Variants in FREM1 observed in about 807,000 individuals in gnomAD.
FREM1 encodes the protein FRAS1-related extracellular matrix protein 1.
A neutral mutation model predicts 210.1 loss-of-function variants in FREM1; 220 were observed. That is an observed-to-expected ratio of 1.05 (90% CI 0.94 to 1.17). The LOEUF is 1.17. Among genes scored for constraint, FREM1 ranks in the 50% most tolerant of loss-of-function variants. The pLI is 0.00. For missense variants in FREM1, 3,454 were observed against 2,675.5 expected (o/e 1.29, Z -6.42); for synonymous variants, 1,189 against 980.2 (o/e 1.21, Z -3.98).
chr9:14,778,455 A>C (rs73413797), intron 24 of FREM1, among the ~76,000 whole-genome samples: 23,744 of 149,928 alleles, frequency 0.16, 2,145 homozygotes, highest in Non-Finnish European at 0.2. Flanking sequence ...TACAAAAAAT[A>C]CAAAATTTAG....
intron 10 of FREM1, among the ~76,000 whole-genome samples, chr9:14,834,270 G>C (rs1454985904): frequency 6.6e-6 from 1 of 152,102 alleles, no homozygotes; most frequent in African/African-American, 2.4e-5. Flanking sequence ...AATTGGCTTT[G>C]GGTTGCCTTG....
chr9:14,777,776 G>C (rs1435504485), intron 24 of FREM1, among the ~76,000 whole-genome samples: 1 of 152,064 alleles, frequency 6.6e-6, no homozygotes, highest in East Asian at 1.9e-4. Context: ...TGATCCTTTT[G>C]AGCATGAAGA....
intron 1 of FREM1, among the ~76,000 whole-genome samples, chr9:14,876,760 G>A (rs765191968): frequency 9.9e-5 from 15 of 152,150 alleles, no homozygotes; most frequent in Non-Finnish European, 1.3e-4. Flanking sequence ...GAAATCACCC[G>A]TCTTCTGCAT....
intron 13 of FREM1, among the ~76,000 whole-genome samples, chr9:14,822,297 C>G (rs1172347335): frequency 1.3e-5 from 2 of 152,180 alleles, no homozygotes; most frequent in Non-Finnish European, 2.9e-5. Context: ...GCAGGTTGGG[C>G]AGCCCTTTTA....
chr9:14,747,962 C>G (rs774136112), intron 31 of FREM1, among the ~76,000 whole-genome samples: 1 of 152,178 alleles, frequency 6.6e-6, no homozygotes, highest in Non-Finnish European at 1.5e-5. Context: ...AAAAGTACAT[C>G]TTTATTTTTT....
intron 1 of FREM1, among the ~76,000 whole-genome samples, chr9:14,894,804 T>C (rs532552193): frequency 2.0e-5 from 3 of 152,266 alleles, no homozygotes; most frequent in African/African-American, 7.2e-5. Context: ...TCTTAACTTA[T>C]GGCAATATAG....
At chr9:14,906,769 T>C (rs1243654774) in intron 1 of FREM1, among the ~76,000 whole-genome samples, 1 of 152,170 alleles carries the variant, frequency 6.6e-6, no homozygotes, top group Non-Finnish European at 1.5e-5. Context: ...GCACAGAGCA[T>C]CTGTAAGTAC....
chr9:14,805,037 A>C lies in FREM1; in HGVS notation c.3390T>G (p.His1130Gln). The change falls in exon 19 of 37, where the codon CAT becomes CAG. Residue 1130 changes from histidine to glutamine, a missense_variant. Transcript: ENST00000380880. The part of the protein sequence containing the change: ...QFTVYVTDGK[H>Q]HSLEIPFSII... ...TAGAAAATGGTATCTCCAAGGAGTG[A>C]TGCTTCCCATCTGTGACGTACACCG... 1 of 1,613,710 alleles carries C rather than the reference A, an allele frequency of 6.2e-7. No homozygotes were observed. Among genetic ancestry groups the C allele is most frequent in the Non-Finnish European group, 8.5e-7 (1 of 1,179,608 alleles).
intron 24 of FREM1, among the ~76,000 whole-genome samples, chr9:14,780,936 T>C (rs1256354719): frequency 6.6e-6 from 1 of 152,222 alleles, no homozygotes; most frequent in Non-Finnish European, 1.5e-5. Context: ...AGATTAAAAT[T>C]TGGGTCTTGG....
intron 16 of FREM1, among the ~76,000 whole-genome samples, chr9:14,810,550 C>G (rs1264705600): frequency 2.6e-5 from 4 of 152,168 alleles, no homozygotes; most frequent in African/African-American, 7.2e-5. Flanking sequence ...CTCCTGGGCT[C>G]AAGCGATCCT....
chr9:14,843,038 C>T (rs1444971837), intron 8 of FREM1, among the ~76,000 whole-genome samples: 5 of 152,094 alleles, frequency 3.3e-5, no homozygotes, highest in South Asian at 2.1e-4. Flanking sequence ...GATTAGCATT[C>T]GAATCAGCAG....
In FREM1 at chr9:14,870,900, C is replaced by T. The variant is rs1323141169; in HGVS notation, c.-267-1656G>A. 6.1e-5 allele frequency among the ~76,000 whole-genome samples: 9 copies of T among 146,688 alleles called. No homozygotes were observed. In the South Asian group the frequency reaches 1.1e-3, roughly 18 times the overall value. On this transcript the variant is annotated intron_variant, in intron 1 of 36. Coordinates refer to ENST00000380880, the MANE Select transcript of FREM1 (RefSeq NM_001379081.2). ...ATTCCCACCTATGAGTGAGAATATG[C>T]GGTGTTTGGTTTTTTGTTCCTGCGA... is the stretch of plus-strand genomic sequence containing the variant.
chr9:14,863,340 C>CAA (rs547934749), intron 3 of FREM1, among the ~76,000 whole-genome samples: 972 of 89,946 alleles, frequency 0.011, 19 homozygotes, highest in African/African-American at 0.032. Flanking sequence ...GACTCCGTCT[C>CAA]AAAAAAAAAA....
intron 25 of FREM1, among the ~76,000 whole-genome samples, chr9:14,772,863 T>C (rs1847834339): frequency 6.6e-6 from 1 of 152,134 alleles, no homozygotes; most frequent in Non-Finnish European, 1.5e-5. Context: ...ATGTAGATGG[T>C]TGTTTTATTT....
intron 22 of FREM1, among the ~76,000 whole-genome samples, chr9:14,790,314 T>C (rs1299114504): frequency 2.6e-5 from 4 of 152,178 alleles, no homozygotes; most frequent in Admixed American, 2.6e-4. Context: ...CGTTTCTTTC[T>C]CTTTAATATG....
rs1422127317 is a variant in FREM1 at position 14,737,548 on chromosome 9, C to T, written c.6388G>A (p.Glu2130Lys). The change falls in exon 37 of 37, where the codon GAA becomes AAA. Residue 2130 changes from glutamate to lysine, a missense_variant. Coordinates refer to ENST00000380880, the MANE Select transcript of FREM1 (RefSeq NM_001379081.2). ...HAGHWEWIGGEPVAFTNGRRG... is the reference protein window; with the variant it reads ...HAGHWEWIGGKPVAFTNGRRG... ...CTCCCATTGGTGAAGGCAACAGGTT[C>T]ACCACCGATCCACTCCCAGTGGCCA... 6.2e-7 allele frequency: 1 copy of T among 1,605,440 alleles called. No individual in the cohort carries two copies. Among genetic ancestry groups the T allele is most frequent in the Admixed American group, 1.7e-5 (1 of 58,574 alleles).
intron 24 of FREM1, among the ~76,000 whole-genome samples, chr9:14,781,083 T>C (rs1563913878): frequency 6.6e-6 from 1 of 152,204 alleles, no homozygotes; most frequent in Non-Finnish European, 1.5e-5. Context: ...GGAAAGAACC[T>C]TCTACTGGAA....
chr9:14,873,465 T>C (rs534351979), intron 1 of FREM1, among the ~76,000 whole-genome samples: 154 of 152,314 alleles, frequency 1.0e-3, no homozygotes, highest in African/African-American at 3.4e-3. Context: ...GTAGAGGTGT[T>C]TGCAGTATTC....
chr9:14,879,021 G>A lies in FREM1; in HGVS notation c.-267-9777C>T, dbSNP rs571471811. Among the ~76,000 whole-genome samples the A allele has an allele frequency of 5.3e-5, 8 of 152,048 alleles. No individual in the cohort carries two copies. In the South Asian group the frequency reaches 8.3e-4, roughly 16 times the overall value. On this transcript the variant is annotated intron_variant, in intron 1 of 36. Transcript: ENST00000380880. Reference sequence around the variant, plus strand: ...AAAATATGAAAATTAGCCAGGCATCGTGGCAGGCGCCTGTAATCTGAGCTA... The same window carrying A: ...AAAATATGAAAATTAGCCAGGCATCATGGCAGGCGCCTGTAATCTGAGCTA...
Sources: gnomAD v4.1 joint callset for allele counts (sites outside exome capture counted in the v4.1 genomes callset) on GRCh38, gnomAD v4.1.1 for gene constraint, MANE v1.5 for transcripts, NCBI Gene and HGNC (gene_info 2026-07-23, HGNC 2026-07-21) for gene names.